The following DENND3 variants were observed in gnomAD, a reference collection of about 807,000 sequenced individuals.
DENND3 encodes DENN domain containing 3.
Under a neutral mutation model 135.1 loss-of-function variants are expected in DENND3, and 88 were observed. The ratio of observed to expected loss-of-function variants is 0.65; its 90% CI spans 0.55 to 0.78. The LOEUF (loss-of-function observed/expected upper bound fraction) is 0.78, where lower values mean the gene tolerates loss of function less well. Among genes scored for constraint, DENND3 ranks in the 30% least tolerant of loss-of-function variants. The probability of loss-of-function intolerance (pLI) is 0.00; values close to 1 mark genes in which losing one functional copy is unlikely to be tolerated. For missense variants in DENND3, 1,392 were observed against 1,688.4 expected (o/e 0.82, Z 3.08); for synonymous variants, 693 against 712.3 (o/e 0.97, Z 0.43).
intron 15 of DENND3, 144 bp from the exon 16 acceptor site, chr8:141,177,923 C>A (rs1822603682): frequency 1.9e-6 from 2 of 1,035,906 alleles, no homozygotes; most frequent in Non-Finnish European, 1.3e-6. Flanking sequence ...GACATAAAAT[C>A]CAAATTCATC....
intron 16 of DENND3, among the ~76,000 whole-genome samples, chr8:141,180,355 C>T (rs1822932826): frequency 6.6e-6 from 1 of 152,158 alleles, no homozygotes; most frequent in African/African-American, 2.4e-5. Flanking sequence ...GGGAGGGCTT[C>T]GTTATTGAGG....
chr8:141,141,931 C>G lies in DENND3; in HGVS notation c.623+607C>G, dbSNP rs1817508269. On this transcript the variant is annotated intron_variant, in intron 4 of 22. Transcript: ENST00000519811. The surrounding 1 kb of genome is among the most constrained non-coding windows in gnomAD (Gnocchi z 5.3). ...TGGTGGTGTGTGCCTGTAGTCCCAGCTACTGGGAAGGCTAACGCAGGAGGA... is the reference window on the plus strand; with the variant it reads ...TGGTGGTGTGTGCCTGTAGTCCCAGGTACTGGGAAGGCTAACGCAGGAGGA... The G allele has an allele frequency of 5.1e-6, 1 of 195,258 alleles. No individual in the cohort carries two copies. 12.1% of individuals were successfully genotyped at this position (195,258 alleles called of 1,614,324 possible). A position where few individuals can be genotyped will look rare whatever the true frequency, so the allele number is the denominator to read the frequency against.
rs532006355 is a variant in DENND3, at chr8:141,135,152, C to CTT, written c.103-1341_103-1340dup. Among the ~76,000 whole-genome samples the CTT allele has an allele frequency of 5.2e-5, 7 of 134,956 alleles. No individual in the cohort carries two copies. The East Asian group carries it at 6.4e-4, about 12-fold the overall frequency. The allele number at this position is 134,956 out of a possible 152,430, so 88.5% of individuals were successfully genotyped here. On this transcript the variant is annotated intron_variant, in intron 1 of 22. Coordinates refer to ENST00000519811, the MANE Select transcript of DENND3 (RefSeq NM_001352890.3). ...CGCCCAGCTCTTTCTTTCTTTCTTT[C>CTT]TTTTTTTTTTTTTTTTTGAGACCAG...
chr8:141,150,164 G>T (rs1818614515), intron 5 of DENND3: 3 of 375,802 alleles, frequency 8.0e-6, no homozygotes, highest in Non-Finnish European at 1.4e-5. Context: ...TTTCCTGAGG[G>T]CCTCCCACGT....
intron 5 of DENND3, among the ~76,000 whole-genome samples, chr8:141,149,597 G>A (rs978736330): frequency 6.6e-6 from 1 of 152,208 alleles, no homozygotes; most frequent in Admixed American, 6.5e-5. Flanking sequence ...GGGCCAAGGC[G>A]GGAACCAGCC....
At chr8:141,163,934 A>G (rs1820453766) in intron 10 of DENND3, among the ~76,000 whole-genome samples, 1 of 151,632 alleles carries the variant, frequency 6.6e-6, no homozygotes, top group East Asian at 1.9e-4. Flanking sequence ...AAAAAGTATA[A>G]TTTACTTAAA....
At chr8:141,134,306 T>G (rs577424615) in intron 1 of DENND3, among the ~76,000 whole-genome samples, 1 of 151,410 alleles carries the variant, frequency 6.6e-6, no homozygotes, top group African/African-American at 2.4e-5. Context: ...TTTATTTTAT[T>G]TTTTTTTTGA....
At chr8:141,162,435 A>T (rs532793532) in intron 9 of DENND3, among the ~76,000 whole-genome samples, 1 of 152,254 alleles carries the variant, frequency 6.6e-6, no homozygotes, top group South Asian at 2.1e-4. Context: ...GCTCTTTAAA[A>T]AAAAGAGGCA....
rs1569555435 is a variant in DENND3 at position 141,145,806 on chromosome 8, TATATATATATATATATATATA to T, written c.735+1548_735+1568del. On this transcript the variant is annotated intron_variant, in intron 5 of 22. Transcript: ENST00000519811. ...TATTTGTCTTTAATATTGAATATTATATATATATATATATATATATATATATATATATATATATATATATGT... is the reference window on the plus strand; with the variant it reads ...TATTTGTCTTTAATATTGAATATTATTATATATATATATATATATATATGT... Among the ~76,000 whole-genome samples the T allele has an allele frequency of 4.5e-3, 34 of 7,498 alleles. 1 individual carries two copies. The highest frequency in any genetic ancestry group is 0.024 in the South Asian group (6 of 246). The allele number at this position is 7,498 out of a possible 152,430, so 4.9% of individuals were successfully genotyped here. A position where few individuals can be genotyped will look rare whatever the true frequency, so the allele number is the denominator to read the frequency against.
Position 141,163,409 on chromosome 8 carries a change from G to C in DENND3, c.1429G>C (p.Asp477His). Residue 477 changes from aspartate to histidine, a missense_variant, in exon 10 of 23, where the codon GAC becomes CAC. Asp to His is a moderately conservative substitution (Grantham distance 81). Coordinates refer to ENST00000519811, the MANE Select transcript of DENND3 (RefSeq NM_001352890.3). Reference sequence around the variant, plus strand: ...ATTTCTCAAAACCAGGGCTCCAGGGGACCATCAGTTTTATAAGCAGGTGAG... The same window carrying C: ...ATTTCTCAAAACCAGGGCTCCAGGGCACCATCAGTTTTATAAGCAGGTGAG... ...EEFLKTRAPG[D>H]HQFYKQVLDT... is the part of the protein sequence containing the mutation. The C allele has an allele frequency of 6.2e-7, 1 of 1,612,656 alleles. No homozygotes were observed. Among genetic ancestry groups the C allele is most frequent in the Non-Finnish European group, 8.5e-7 (1 of 1,178,770 alleles).
Position 141,143,344 on chromosome 8 carries a change from C to T in DENND3, c.624-804C>T, listed in dbSNP as rs539475765. ...CGTGCAGGTTTGTTACGTATGTATA[C>T]ATGTGCCATGTTGGTGTGCTGCACC... is the stretch of plus-strand genomic sequence containing the variant. On this transcript the variant is annotated intron_variant, in intron 4 of 22. Transcript: ENST00000519811. Among the ~76,000 whole-genome samples, 4 of 152,268 alleles carry T rather than the reference C, an allele frequency of 2.6e-5. No homozygotes were observed. The South Asian group carries it at 8.3e-4, about 32-fold the overall frequency.
In DENND3 at chr8:141,176,692, C is replaced by T. The variant is rs200588530; in HGVS notation, c.2637C>T (p.Thr879=). 2.7e-5 allele frequency: 43 copies of T among 1,614,098 alleles called. No homozygotes were observed. The Middle Eastern group carries it at 1.3e-3, about 49-fold the overall frequency. ...AAGTCTTCGAAGCCAACCTGAAAAC[C>T]GAGTGTGACCTTTGGCACCTGATGG... ...KKEVFEANLK[T]ECDLWHLMVK... is the part of the protein sequence containing the mutation. Residue 879 remains threonine, a synonymous_variant, in exon 15 of 23, where the codon ACC becomes ACT. Coordinates refer to ENST00000519811, the MANE Select transcript of DENND3 (RefSeq NM_001352890.3).
rs755179719 is a variant in DENND3, at chr8:141,139,516, C to A, written c.501+1379C>A. On this transcript the variant is annotated intron_variant, in intron 3 of 22. Transcript: ENST00000519811. This position sits in a 1 kb window ranked among gnomAD's most constrained non-coding sequence, Gnocchi z 4.2. ...CTCTGTGACCTGGCTGCCAGCAGCC[C>A]CAGGCCTTTCTTCCAGGGTTATGTT... Among the ~76,000 whole-genome samples, 5 of 152,064 alleles carry A rather than the reference C, an allele frequency of 3.3e-5. No homozygotes were observed. The highest frequency in any genetic ancestry group is 7.4e-5 in the Non-Finnish European group (5 of 68,006).
In DENND3 at chr8:141,182,500, C is replaced by T. The variant is rs911898030; in HGVS notation, c.2944+1646C>T. On this transcript the variant is annotated intron_variant, in intron 17 of 22. Transcript: ENST00000519811. This position sits in a 1 kb window ranked among gnomAD's most constrained non-coding sequence, Gnocchi z 5.9. ...ATTTGAATACATGGTATTTTTAGGTCCCGGTTGGTTTCCCTGAAATGAAAC... is the reference window on the plus strand; with the variant it reads ...ATTTGAATACATGGTATTTTTAGGTTCCGGTTGGTTTCCCTGAAATGAAAC... 17 of 985,174 alleles carry T rather than the reference C, an allele frequency of 1.7e-5. No individual in the cohort carries two copies. The highest frequency in any genetic ancestry group is 2.0e-5 in the Non-Finnish European group (17 of 829,838). The allele number at this position is 985,174 out of a possible 1,614,324, so 61.0% of individuals were successfully genotyped here.
intron 1 of DENND3, among the ~76,000 whole-genome samples, chr8:141,132,439 C>A (rs1269139742): frequency 1.3e-5 from 2 of 152,052 alleles, no homozygotes; most frequent in Non-Finnish European, 2.9e-5. Flanking sequence ...CTCACTGCAA[C>A]CTCTGCCTCC....
chr8:141,173,337 C>T (rs1023770159), intron 13 of DENND3, among the ~76,000 whole-genome samples: 1 of 152,200 alleles, frequency 6.6e-6, no homozygotes, highest in Non-Finnish European at 1.5e-5. Context: ...AAAATACCGA[C>T]GGGCCAAAAG....
intron 3 of DENND3, among the ~76,000 whole-genome samples, chr8:141,140,619 G>C (rs1817330860): frequency 6.6e-6 from 1 of 152,174 alleles, no homozygotes; most frequent in African/African-American, 2.4e-5. Flanking sequence ...CCCTTTACCT[G>C]GATATCTTAT....
rs147005824 is a variant in DENND3, at chr8:141,153,598, C to T, written c.1074+1761C>T. 1.3e-3 allele frequency among the ~76,000 whole-genome samples: 199 copies of T among 152,316 alleles called. 1 individual carries two copies. Among genetic ancestry groups the T allele is most frequent in the African/African-American group, 4.1e-3 (172 of 41,576 alleles). On this transcript the variant is annotated intron_variant, in intron 7 of 22. Transcript: ENST00000519811. ...GTTGGCTGGGCCCGGCCAGGGTCCC[C>T]GCTGCGGGGGAGAACAGTGCTTGTG...
At chr8:141,135,127 C>T (rs892102379) in intron 1 of DENND3, among the ~76,000 whole-genome samples, 1 of 151,738 alleles carries the variant, frequency 6.6e-6, no homozygotes, top group Non-Finnish European at 1.5e-5. Flanking sequence ...TGAGCCACCG[C>T]GCCCAGCTCT....
Sources: gnomAD v4.1 joint callset for allele counts (sites outside exome capture counted in the v4.1 genomes callset) on GRCh38, gnomAD v4.1.1 for gene constraint, Gnocchi (gnomAD v3.1) non-coding constraint, MANE v1.5 for transcripts, NCBI Gene and HGNC (gene_info 2026-07-23, HGNC 2026-07-21) for gene names.